SPINK5: variants seen among roughly 807,000 people sequenced by gnomAD.
The protein encoded by SPINK5 is serine peptidase inhibitor Kazal type 5, also known as serine protease inhibitor Kazal-type 5.
A neutral mutation model predicts 151.8 loss-of-function variants in SPINK5; 125 were observed. That is an observed-to-expected ratio of 0.82 (90% CI 0.71 to 0.96). The LOEUF is 0.96. Ranked by LOEUF, SPINK5 falls within the 40% of genes least tolerant of loss-of-function variation. The pLI is 0.00. For missense variants in SPINK5, 1,194 were observed against 1,291.9 expected (o/e 0.92, Z 1.16); for synonymous variants, 374 against 395.3 (o/e 0.95, Z 0.64).
chr5:148,106,881 T>C (rs551670694), intron 16 of SPINK5, among the ~76,000 whole-genome samples, 156 bp from the exon 17 acceptor site: 6 of 152,328 alleles, frequency 3.9e-5, no homozygotes, highest in South Asian at 4.1e-4. Flanking sequence ...ACAATTCTGA[T>C]TGATGACGGA....
At position 148,119,003 on chromosome 5, in the gene SPINK5, G is replaced by GA. The variant is rs748978134; in HGVS notation, c.2264dup (p.Asn755LysfsTer2). ...TCCTCCAGGGAAAGAGAAGCAGAGA[G>GA]AAAAAATGAGTATTCTCGCTCCAGA... On this transcript the variant is annotated frameshift_variant, in exon 24 of 33. Transcript: ENST00000256084. LOFTEE classifies it high-confidence loss of function. 1.8e-4 allele frequency: 290 copies of GA among 1,613,982 alleles called. No individual in the cohort carries two copies. The highest frequency in any genetic ancestry group is 2.3e-4 in the Non-Finnish European group (277 of 1,179,932).
At chr5:148,114,563 A>G (rs1031233540) in intron 21 of SPINK5, 74 bp downstream of exon 21, 13 of 1,595,642 alleles carry the variant, frequency 8.1e-6, no homozygotes, top group Non-Finnish European at 1.0e-5. Flanking sequence ...AATAATATGT[A>G]TTGTGTTTGT....
chr5:148,121,707 C>T (rs1177716170), intron 26 of SPINK5, among the ~76,000 whole-genome samples: 1 of 151,446 alleles, frequency 6.6e-6, no homozygotes, highest in Non-Finnish European at 1.5e-5. Flanking sequence ...CTTTTAATCC[C>T]AGTGTTTTGG....
intron 26 of SPINK5, 150 bp from the exon 27 acceptor site, chr5:148,123,683 T>C: frequency 9.3e-7 from 1 of 1,076,686 alleles, no homozygotes. Context: ...AGAGATTGAA[T>C]AAAGTGCCTT....
In SPINK5 at chr5:148,103,444, T is replaced by C. The variant is rs544769382; in HGVS notation, c.1431-1508T>C. Among the ~76,000 whole-genome samples, 17 of 152,284 alleles carry C rather than the reference T, an allele frequency of 1.1e-4. No homozygotes were observed. The East Asian group carries it at 3.3e-3, about 29-fold the overall frequency. The stretch of plus-strand genomic sequence containing the variant: ...AGCCTGTTTTTTGTTCTCCCTTACA[T>C]TAATTTTTCAGTAGCAAGAAACTAA... On this transcript the variant is annotated intron_variant, in intron 15 of 32. Coordinates refer to ENST00000256084, the MANE Select transcript of SPINK5 (RefSeq NM_006846.4).
At chr5:148,090,960 A>T in intron 7 of SPINK5, 2 of 571,752 alleles carry the variant, frequency 3.5e-6, no homozygotes. Flanking sequence ...CAAGTTTCCC[A>T]GATAAGCTAT....
chr5:148,089,358 C>A, intron 6 of SPINK5, 136 bp from the exon 7 acceptor site: 1 of 1,108,080 alleles, frequency 9.0e-7, no homozygotes, highest in Non-Finnish European at 1.4e-6. Flanking sequence ...ACTTACTGAG[C>A]TACATCTACA....
At chr5:148,094,205 A>AG (rs1753391785) in intron 8 of SPINK5, 149 bp from the exon 9 acceptor site, 3 of 793,110 alleles carry the variant, frequency 3.8e-6, no homozygotes, top group African/African-American at 3.5e-5. Context: ...CTGAGGTGGA[A>AG]GGATCTCTGA....
intron 4 of SPINK5, among the ~76,000 whole-genome samples, chr5:148,082,331 TATTAATA>T (rs1189572256): frequency 5.9e-5 from 9 of 151,336 alleles, no homozygotes; most frequent in South Asian, 4.2e-4. Flanking sequence ...TTTTTGAAGA[TATTAATA>T]ATTATACATC....
At chr5:148,118,595 AAT>A (rs1252836780) in intron 23 of SPINK5, 31 bp downstream of exon 23, 1 of 1,612,894 alleles carries the variant, frequency 6.2e-7, no homozygotes. Context: ...GCATGTCTAA[AAT>A]ATAGTCACAT....
intron 15 of SPINK5, among the ~76,000 whole-genome samples, chr5:148,104,474 T>G (rs770885594): frequency 9.9e-5 from 15 of 152,174 alleles, no homozygotes; most frequent in Admixed American, 6.5e-5. Context: ...TGAGGTAGAG[T>G]GAATCATAAT....
At chr5:148,068,409 A>T (rs1351288561) in intron 2 of SPINK5, among the ~76,000 whole-genome samples, 2 of 152,114 alleles carry the variant, frequency 1.3e-5, no homozygotes, top group East Asian at 3.9e-4. Context: ...CTTCTGTTCT[A>T]CCTAATGCTG....
intron 26 of SPINK5, among the ~76,000 whole-genome samples, chr5:148,123,425 G>GATATAATATATTATATATATAT (rs1754331739): frequency 1.0e-5 from 1 of 99,924 alleles, no homozygotes; most frequent in African/African-American, 4.0e-5. Context: ...TATATATATA[G>GATATAATATATTATATATATAT]ATATATATTA....
chr5:148,095,946 G>A, intron 10 of SPINK5, 41 bp downstream of exon 10: 1 of 1,465,352 alleles, frequency 6.8e-7, no homozygotes, highest in Non-Finnish European at 9.4e-7. Flanking sequence ...ACTTGTGTGT[G>A]TGTGGGGGGG....
rs1057524476 is a variant in SPINK5 at position 148,124,764 on chromosome 5, G to A, written c.2667-1G>A. 7.5e-6 allele frequency: 12 copies of A among 1,596,902 alleles called. No homozygotes were observed. The highest frequency in any genetic ancestry group is 8.5e-6 in the Non-Finnish European group (10 of 1,171,492). ...TATCTTTTTTTTTAATTATTCTGCA[G>A]TGATCGAGAAGCTAATGAAAGAAAA... is the stretch of plus-strand genomic sequence containing the variant. On this transcript the variant is annotated splice_acceptor_variant, in intron 27 of 32. Transcript: ENST00000256084. LOFTEE classifies it high-confidence loss of function.
At chr5:148,067,653 T>G (rs1344040323) in intron 2 of SPINK5, among the ~76,000 whole-genome samples, 2 of 152,182 alleles carry the variant, frequency 1.3e-5, no homozygotes, top group Non-Finnish European at 2.9e-5. Flanking sequence ...AACAAATTTC[T>G]TAACCTATTA....
intron 4 of SPINK5, among the ~76,000 whole-genome samples, chr5:148,083,370 C>G (rs893107441): frequency 7.3e-5 from 11 of 151,140 alleles, no homozygotes; most frequent in African/African-American, 2.7e-4. Context: ...CATCAAATTA[C>G]CAATTGTCTC....
chr5:148,088,023 A>C (rs1753207576), intron 5 of SPINK5, among the ~76,000 whole-genome samples: 1 of 151,746 alleles, frequency 6.6e-6, no homozygotes. Flanking sequence ...AATATGTCTT[A>C]CATTTGCGGT....
chr5:148,119,560 G>A (rs1194919241), intron 24 of SPINK5, among the ~76,000 whole-genome samples: 1 of 152,142 alleles, frequency 6.6e-6, no homozygotes, highest in East Asian at 1.9e-4. Flanking sequence ...GTGAGGATCT[G>A]TTTCTTTGCT....
Sources: allele counts gnomAD v4.1 joint callset (sites outside exome capture counted in the v4.1 genomes callset), GRCh38; gene constraint gnomAD v4.1.1; transcripts MANE v1.5; gene names NCBI Gene and HGNC (gene_info 2026-07-23, HGNC 2026-07-21).